SEPTIN9: variants seen among roughly 807,000 people sequenced by gnomAD.
SEPTIN9 encodes septin 9.
SEPTIN9 carries 13 observed loss-of-function variants against 56.6 expected under a neutral mutation model. The observed-to-expected ratio is 0.23, with a 90% confidence interval of 0.15 to 0.37. The LOEUF is 0.37. Ranked by LOEUF, SEPTIN9 falls within the 10% of genes least tolerant of loss-of-function variation. The pLI, the probability that SEPTIN9 is intolerant of heterozygous loss-of-function variation, is 1.00. For synonymous variants in SEPTIN9, 332 were observed against 334.1 expected (o/e 0.99, Z 0.07); for missense variants, 650 against 823.1 (o/e 0.79, Z 2.57).
Position 77,451,505 on chromosome 17 carries a change from G to A in SEPTIN9, c.722-30639G>A, listed in dbSNP as rs1056518107. ...GGCCGCGGCTCTCGGCGCGTCCAGC[G>A]CAGCCCGACGTTCCGCTGCTGGGGT... On this transcript the variant is annotated intron_variant, in intron 3 of 11. Transcript: ENST00000427177. The surrounding 1 kb of genome is among the most constrained non-coding windows in gnomAD (Gnocchi z 4.2). 40 of 985,820 alleles carry A rather than the reference G, an allele frequency of 4.1e-5. No homozygotes were observed. In the African/African-American group the frequency reaches 5.9e-4, roughly 15 times the overall value. The allele number at this position is 985,820 out of a possible 1,614,324, so 61.1% of individuals were successfully genotyped here.
chr17:77,393,047 A>G (rs1211731490), intron 2 of SEPTIN9, among the ~76,000 whole-genome samples: 1 of 152,112 alleles, frequency 6.6e-6, no homozygotes. Context: ...CAAGCAGCCC[A>G]GGCCAATTCT....
intron 7 of SEPTIN9, among the ~76,000 whole-genome samples, chr17:77,489,182 T>C (rs1008259696): frequency 1.3e-5 from 2 of 151,936 alleles, no homozygotes; most frequent in Non-Finnish European, 2.9e-5. Context: ...GCAGGTGGAG[T>C]GGGAGCCCCC....
At position 77,463,474 on chromosome 17, in the gene SEPTIN9, T is replaced by G. The variant is rs538870172; in HGVS notation, c.722-18670T>G. Among the ~76,000 whole-genome samples, 3 of 152,252 alleles carry G rather than the reference T, an allele frequency of 2.0e-5. No homozygotes were observed. In the South Asian group the frequency reaches 6.2e-4, roughly 32 times the overall value. On this transcript the variant is annotated intron_variant, in intron 3 of 11. Transcript: ENST00000427177. ...ATTATTTTCACATCACTCTAGTATA[T>G]CGACTTTGGAAACAAAAGACATCAT...
chr17:77,320,132 A>G (rs2032853595), intron 2 of SEPTIN9: 2 of 1,489,966 alleles, frequency 1.3e-6, no homozygotes, highest in South Asian at 1.3e-5. Context: ...TATGATCAGC[A>G]CATGGAAATG....
chr17:77,452,099 A>T (rs1484774899), intron 3 of SEPTIN9, among the ~76,000 whole-genome samples: 1 of 152,150 alleles, frequency 6.6e-6, no homozygotes, highest in African/African-American at 2.4e-5. Flanking sequence ...GATGTGTTGG[A>T]TATGTGCAGG....
At chr17:77,424,212 G>GAGAAGAGA (rs10671712) in intron 3 of SEPTIN9, among the ~76,000 whole-genome samples, 1 of 152,248 alleles carries the variant, frequency 6.6e-6, no homozygotes, top group South Asian at 2.1e-4. Flanking sequence ...TACTACTGCA[G>GAGAAGAGA]AGAAGGCACC....
At chr17:77,491,237 GA>G in intron 8 of SEPTIN9, among the ~76,000 whole-genome samples, 1 of 150,490 alleles carries the variant, frequency 6.6e-6, no homozygotes, top group South Asian at 2.1e-4. Context: ...TTTTTTTTGA[GA>G]AAGGGTCTGG....
intron 3 of SEPTIN9, among the ~76,000 whole-genome samples, chr17:77,480,568 C>T (rs999947521): frequency 1.3e-5 from 2 of 152,224 alleles, no homozygotes; most frequent in Non-Finnish European, 2.9e-5. Flanking sequence ...GGGCGTGGGC[C>T]GGGAGGGCTG....
At chr17:77,385,646 A>G (rs1313369606) in intron 2 of SEPTIN9, among the ~76,000 whole-genome samples, 1 of 152,252 alleles carries the variant, frequency 6.6e-6, no homozygotes, top group Non-Finnish European at 1.5e-5. Flanking sequence ...GAGGCCGGAA[A>G]GTGTCACATT....
intron 10 of SEPTIN9, among the ~76,000 whole-genome samples, chr17:77,494,772 G>T (rs1008509063): frequency 6.6e-6 from 1 of 152,300 alleles, no homozygotes; most frequent in Admixed American, 6.5e-5. Flanking sequence ...TACAGCTCCA[G>T]CCCTGCACCA....
intron 2 of SEPTIN9, among the ~76,000 whole-genome samples, chr17:77,337,424 C>T (rs76311884): frequency 0.05 from 7,663 of 151,870 alleles, 214 homozygotes; most frequent in Middle Eastern, 0.085. Context: ...AGGATTTTTG[C>T]GTGTTGATTC....
At chr17:77,338,313 A>C (rs554669744) in intron 2 of SEPTIN9, among the ~76,000 whole-genome samples, 1 of 146,304 alleles carries the variant, frequency 6.8e-6, no homozygotes, top group East Asian at 1.9e-4. Context: ...AGCAAGCCAT[A>C]ATCTTTTTCT....
At chr17:77,488,689 C>G in intron 6 of SEPTIN9, 38 bp from the exon 7 acceptor site, 5 of 1,612,642 alleles carry the variant, frequency 3.1e-6, no homozygotes, top group South Asian at 1.1e-5. Context: ...GGGAGGGCAT[C>G]TCATGTGCCT....
intron 2 of SEPTIN9, among the ~76,000 whole-genome samples, chr17:77,351,399 T>A (rs777065477): frequency 3.3e-5 from 5 of 152,114 alleles, no homozygotes; most frequent in Non-Finnish European, 7.4e-5. Context: ...GAACATTAAG[T>A]GGGGCTGGGG....
intron 3 of SEPTIN9, chr17:77,466,632 C>T: frequency 1.0e-6 from 1 of 974,066 alleles, no homozygotes; most frequent in African/African-American, 1.8e-5. Flanking sequence ...GGAGGGTAGG[C>T]CAGGACCAGA....
At position 77,475,989 on chromosome 17, in the gene SEPTIN9, T is replaced by C; in HGVS notation, c.722-6155T>C. 1 of 1,420,312 alleles carries C rather than the reference T, an allele frequency of 7.0e-7. No homozygotes were observed. The highest frequency in any genetic ancestry group is 9.7e-7 in the Non-Finnish European group (1 of 1,031,784). The allele number at this position is 1,420,312 out of a possible 1,614,324, so 88.0% of individuals were successfully genotyped here. ...GGGAAGACAGGGGAATGGCATTGACTTGACCCTGAGCACTTTGTCCTGGGG... is the reference window on the plus strand; with the variant it reads ...GGGAAGACAGGGGAATGGCATTGACCTGACCCTGAGCACTTTGTCCTGGGG... On this transcript the variant is annotated intron_variant, in intron 3 of 11. Coordinates refer to ENST00000427177, the MANE Select transcript of SEPTIN9 (RefSeq NM_001113491.2). The surrounding 1 kb of genome is among the most constrained non-coding windows in gnomAD (Gnocchi z 4.6).
intron 2 of SEPTIN9, among the ~76,000 whole-genome samples, chr17:77,379,698 G>A (rs961072831): frequency 2.0e-5 from 3 of 152,310 alleles, no homozygotes; most frequent in Admixed American, 6.5e-5. Context: ...CCAAATGCCC[G>A]TCCATCATCG....
rs1187395363 is a variant in SEPTIN9, at chr17:77,499,460, C to T, written c.*802C>T. 9.5e-6 allele frequency: 5 copies of T among 523,794 alleles called. No individual in the cohort carries two copies. Among genetic ancestry groups the T allele is most frequent in the East Asian group, 3.9e-5 (1 of 25,522 alleles). 32.4% of individuals were successfully genotyped at this position (523,794 alleles called of 1,614,324 possible). A position where few individuals can be genotyped will look rare whatever the true frequency, so the allele number is the denominator to read the frequency against. On this transcript the variant is annotated 3_prime_UTR_variant, in exon 12 of 12. Transcript: ENST00000427177. ...GAGGATAAAAAGGAAGGAGAGATGA[C>T]CCCTACCCCCTCATCCCCCAGTTTT...
chr17:77,452,537 T>A (rs1048040846), intron 3 of SEPTIN9, among the ~76,000 whole-genome samples: 3 of 152,348 alleles, frequency 2.0e-5, no homozygotes, highest in Non-Finnish European at 4.4e-5. Flanking sequence ...TTGTAATTCC[T>A]TTCCTGGAGA....
Sources: allele counts gnomAD v4.1 joint callset (sites outside exome capture counted in the v4.1 genomes callset), GRCh38; gene constraint gnomAD v4.1.1; non-coding constraint Gnocchi (gnomAD v3.1); transcripts MANE v1.5; gene names NCBI Gene and HGNC (gene_info 2026-07-23, HGNC 2026-07-21).